Variants in ROBO2 observed in about 807,000 individuals in gnomAD.
The protein encoded by ROBO2 is roundabout guidance receptor 2.
A neutral mutation model predicts 160.8 loss-of-function variants in ROBO2; 53 were observed. The observed-to-expected ratio is 0.33, with a 90% CI of 0.26 to 0.41. The LOEUF (loss-of-function observed/expected upper bound fraction) is 0.41. Ranked by LOEUF, ROBO2 falls within the 10% of genes least tolerant of loss-of-function variation. ROBO2 has a pLI of 1.00. For synonymous variants in ROBO2, 664 were observed against 611.7 expected (o/e 1.09, Z -1.26); for missense variants, 1,577 against 1,722.4 (o/e 0.92, Z 1.49).
At chr3:77,467,326 G>A (rs1247439314) in intron 2 of ROBO2, among the ~76,000 whole-genome samples, 1 of 151,986 alleles carries the variant, frequency 6.6e-6, no homozygotes, top group African/African-American at 2.4e-5. Context: ...TGGTCTAATG[G>A]TAAGGGCTAA....
intron 2 of ROBO2, among the ~76,000 whole-genome samples, chr3:77,027,723 G>A (rs535135074): frequency 2.4e-4 from 37 of 152,218 alleles, no homozygotes; most frequent in Middle Eastern, 3.4e-3. Flanking sequence ...TCTAGTAAGG[G>A]TGCTAGCCAA....
At chr3:76,361,696 AT>A (rs2075531683) in intron 2 of ROBO2, among the ~76,000 whole-genome samples, 1 of 152,122 alleles carries the variant, frequency 6.6e-6, no homozygotes, top group African/African-American at 2.4e-5. Flanking sequence ...TGGTCTTTTT[AT>A]TAGGAGCCCA....
intron 23 of ROBO2, among the ~76,000 whole-genome samples, chr3:77,622,890 G>A (rs576524001): frequency 3.9e-5 from 6 of 152,184 alleles, no homozygotes; most frequent in African/African-American, 1.4e-4. Flanking sequence ...GTTGCACAAG[G>A]TATTATTTTT....
intron 2 of ROBO2, among the ~76,000 whole-genome samples, chr3:76,728,152 A>G (rs1393717919): frequency 6.6e-6 from 1 of 152,138 alleles, no homozygotes; most frequent in Non-Finnish European, 1.5e-5. Context: ...TGCTATAGAA[A>G]TATAAAATGT....
intron 2 of ROBO2, among the ~76,000 whole-genome samples, chr3:76,804,115 G>A (rs759116597): frequency 2.2e-4 from 33 of 152,092 alleles, no homozygotes; most frequent in Non-Finnish European, 4.0e-4. Flanking sequence ...CAAGAGTGAT[G>A]GTCACATTCT....
At chr3:76,234,166 G>A (rs1447615930) in intron 2 of ROBO2, among the ~76,000 whole-genome samples, 1 of 152,154 alleles carries the variant, frequency 6.6e-6, no homozygotes, top group East Asian at 1.9e-4. Context: ...TCTCTTCATG[G>A]TTGCATAGTA....
At chr3:77,233,681 CAA>C (rs1244674177) in intron 2 of ROBO2, among the ~76,000 whole-genome samples, 3 of 152,110 alleles carry the variant, frequency 2.0e-5, no homozygotes, top group South Asian at 2.1e-4. Context: ...TAATTGAAAT[CAA>C]GTCTTATGTA....
intron 2 of ROBO2, among the ~76,000 whole-genome samples, chr3:76,609,504 AT>A (rs143067153): frequency 3.9e-4 from 58 of 147,352 alleles, no homozygotes; most frequent in African/African-American, 1.1e-3. Context: ...TTGCTCTTCG[AT>A]TTTTTTTTTC....
intron 2 of ROBO2, among the ~76,000 whole-genome samples, chr3:76,439,296 G>A (rs1369450618): frequency 7.0e-6 from 1 of 143,072 alleles, no homozygotes; most frequent in East Asian, 2.2e-4. Flanking sequence ...TTCTGCTGAA[G>A]GTTACAAAGA....
At chr3:76,798,465 C>G (rs988597957) in intron 2 of ROBO2, among the ~76,000 whole-genome samples, 7 of 152,142 alleles carry the variant, frequency 4.6e-5, no homozygotes, top group African/African-American at 1.4e-4. Flanking sequence ...AAGGATAGTT[C>G]AACATATGCA....
chr3:76,300,405 C>T (rs767193945), intron 2 of ROBO2, among the ~76,000 whole-genome samples: 14 of 151,878 alleles, frequency 9.2e-5, no homozygotes, highest in African/African-American at 2.7e-4. Flanking sequence ...ATTCAGCCTC[C>T]GCAGAAGCAG....
intron 2 of ROBO2, among the ~76,000 whole-genome samples, chr3:76,344,060 G>A (rs2074384457): frequency 6.6e-6 from 1 of 152,060 alleles, no homozygotes; most frequent in East Asian, 1.9e-4. Context: ...GTATGTCAAT[G>A]AATTCTATTA....
At chr3:76,831,744 T>C (rs1220394425) in intron 2 of ROBO2, among the ~76,000 whole-genome samples, 1 of 152,194 alleles carries the variant, frequency 6.6e-6, no homozygotes, top group Non-Finnish European at 1.5e-5. Context: ...GTATACTTAA[T>C]AGAAATCCCA....
chr3:76,975,224 G>T (rs2059756238), intron 2 of ROBO2, among the ~76,000 whole-genome samples: 1 of 152,178 alleles, frequency 6.6e-6, no homozygotes, highest in Non-Finnish European at 1.5e-5. Flanking sequence ...AGAAATGAGG[G>T]CTGGGTGTGG....
At chr3:76,542,735 C>T (rs2082886344) in intron 2 of ROBO2, among the ~76,000 whole-genome samples, 1 of 152,152 alleles carries the variant, frequency 6.6e-6, no homozygotes. Flanking sequence ...CACTTAACTG[C>T]ACCCACTTAC....
chr3:76,783,809 G>C (rs894412314), intron 2 of ROBO2, among the ~76,000 whole-genome samples: 1 of 150,628 alleles, frequency 6.6e-6, no homozygotes, highest in African/African-American at 2.4e-5. Flanking sequence ...TAAGTTTTCT[G>C]GCCCTTTCTC....
chr3:77,300,615 G>A (rs1044870206), intron 2 of ROBO2, among the ~76,000 whole-genome samples: 2 of 151,652 alleles, frequency 1.3e-5, no homozygotes, highest in African/African-American at 2.4e-5. Flanking sequence ...AGGAAATTGC[G>A]AGATATAAAC....
chr3:76,773,961 A>G (rs2062072727), intron 2 of ROBO2, among the ~76,000 whole-genome samples: 1 of 150,912 alleles, frequency 6.6e-6, no homozygotes, highest in Non-Finnish European at 1.5e-5. Flanking sequence ...TGTTATGGAA[A>G]GTATGGACAA....
chr3:76,462,638 A>G (rs2078149106), intron 2 of ROBO2, among the ~76,000 whole-genome samples: 1 of 152,154 alleles, frequency 6.6e-6, no homozygotes, highest in African/African-American at 2.4e-5. Context: ...GATACACTAT[A>G]AAGGAAAATA....
Sources: gnomAD v4.1 joint callset for allele counts (sites outside exome capture counted in the v4.1 genomes callset) on GRCh38, gnomAD v4.1.1 for gene constraint, MANE v1.5 for transcripts, NCBI Gene and HGNC (gene_info 2026-07-23, HGNC 2026-07-21) for gene names.